Variants in MAP3K20 observed in about 807,000 individuals in gnomAD.
MAP3K20 encodes the protein HCCS-4.
MAP3K20 carries 40 observed loss-of-function variants against 85.7 expected under a neutral mutation model. The ratio of observed to expected loss-of-function variants is 0.47; its 90% CI spans 0.36 to 0.61. The LOEUF is 0.61. Ranked by LOEUF, MAP3K20 falls within the 20% of genes least tolerant of loss-of-function variation. The pLI, the probability that MAP3K20 is intolerant of heterozygous loss-of-function variation, is 0.00. For synonymous variants in MAP3K20, 325 were observed against 327.7 expected, an observed-to-expected ratio of 0.99 and a Z score of 0.09; for missense variants, 817 against 961.7, an observed-to-expected ratio of 0.85 and a Z score of 1.99.
intron 16 of MAP3K20, among the ~76,000 whole-genome samples, chr2:173,241,014 G>T (rs142182375): frequency 3.8e-4 from 58 of 152,322 alleles, no homozygotes; most frequent in African/African-American, 1.3e-3. Flanking sequence ...GCCAGTCGCA[G>T]AAAGACGGAA....
intron 3 of MAP3K20, among the ~76,000 whole-genome samples, chr2:173,177,443 A>ATTTTTTT (rs71403359): frequency 1.2e-4 from 15 of 126,604 alleles, no homozygotes; most frequent in Non-Finnish European, 2.1e-4. Flanking sequence ...ATCACAATAG[A>ATTTTTTT]TTTTTTTTTT....
chr2:173,223,642 G>A, intron 11 of MAP3K20: 2 of 985,318 alleles, frequency 2.0e-6, no homozygotes, highest in Non-Finnish European at 2.4e-6. Flanking sequence ...AAAACTATGA[G>A]CCCTGGCCAG....
intron 4 of MAP3K20, among the ~76,000 whole-genome samples, chr2:173,183,852 T>C (rs746089774): frequency 1.6e-4 from 25 of 152,248 alleles, no homozygotes; most frequent in Non-Finnish European, 3.4e-4. Flanking sequence ...AACTCATACG[T>C]TGATTTCACT....
intron 16 of MAP3K20, among the ~76,000 whole-genome samples, chr2:173,254,566 A>T (rs570907773): frequency 2.6e-5 from 4 of 152,204 alleles, no homozygotes; most frequent in African/African-American, 9.6e-5. Context: ...TGGAATTGTT[A>T]TTTTTAGTGA....
chr2:173,258,640 A>C, intron 16 of MAP3K20, 59 bp from the exon 17 acceptor site: 1 of 964,056 alleles, frequency 1.0e-6, no homozygotes, highest in South Asian at 1.4e-5. Flanking sequence ...GGAAATATTG[A>C]GACTAAAAAA....
chr2:173,197,866 TAGA>T (rs1574099478), intron 7 of MAP3K20, 157 bp from the exon 8 acceptor site: 1 of 427,198 alleles, frequency 2.3e-6, no homozygotes, highest in Non-Finnish European at 4.1e-6. Context: ...ATTTAATATA[TAGA>T]AGAAGTTGTG....
At chr2:173,226,310 T>TA (rs1341564804) in intron 11 of MAP3K20, 16 of 984,922 alleles carry the variant, frequency 1.6e-5, no homozygotes, top group Non-Finnish European at 1.9e-5. Context: ...TTTTAAAACT[T>TA]ATTCTGAGTT....
chr2:173,229,637 G>C, intron 11 of MAP3K20, 52 bp from the exon 12 acceptor site: 1 of 1,609,338 alleles, frequency 6.2e-7, no homozygotes, highest in East Asian at 2.2e-5. Flanking sequence ...GAACCAAAAA[G>C]ACAATGATAA....
intron 2 of MAP3K20, chr2:173,166,912 T>G (rs1574072708): frequency 7.0e-6 from 1 of 143,334 alleles, no homozygotes; most frequent in Middle Eastern, 3.5e-3. Context: ...GTTTTTCTGT[T>G]TTTTTTTTTT....
At chr2:173,212,539 C>G (rs1000221154) in intron 10 of MAP3K20, 1 of 152,326 alleles carries the variant, frequency 6.6e-6, no homozygotes, top group African/African-American at 2.4e-5. Flanking sequence ...TAGCTCACAC[C>G]TGTAATCCCA....
chr2:173,193,253 T>C, intron 7 of MAP3K20, among the ~76,000 whole-genome samples: 1 of 148,442 alleles, frequency 6.7e-6, no homozygotes, highest in African/African-American at 2.4e-5. Context: ...AGCTTTTAAA[T>C]TGTTTGTCAC....
chr2:173,207,760 C>A (rs1000634717), intron 9 of MAP3K20: 1 of 149,126 alleles, frequency 6.7e-6, no homozygotes, highest in Admixed American at 6.7e-5. Context: ...CTATGTGATG[C>A]CTAAAAGGAA....
chr2:173,174,137 A>G (rs11680612), intron 3 of MAP3K20, among the ~76,000 whole-genome samples: 71,566 of 152,138 alleles, frequency 0.47, 19,518 homozygotes, highest in South Asian at 0.68. Flanking sequence ...GACATTTTAT[A>G]TGAAATAAAG....
intron 2 of MAP3K20, among the ~76,000 whole-genome samples, chr2:173,147,283 A>G (rs1689163218): frequency 6.6e-6 from 1 of 152,118 alleles, no homozygotes; most frequent in South Asian, 2.1e-4. Context: ...GGTCATGAAG[A>G]TTTACTTCTA....
In MAP3K20 at chr2:173,121,553, AT is replaced by A. The variant is rs964029507; in HGVS notation, c.159+30370del. 5.9e-5 allele frequency among the ~76,000 whole-genome samples: 9 copies of A among 151,640 alleles called. No homozygotes were observed. The South Asian group carries it at 1.3e-3, about 21-fold the overall frequency. On this transcript the variant is annotated intron_variant, in intron 2 of 19. Coordinates refer to ENST00000375213, the MANE Select transcript of MAP3K20 (RefSeq NM_016653.3). ...AGGCGCCCGCCACCACGCCCGGCTA[AT>A]TTTTTTGTATTTTTAGTAGAGACGG...
intron 2 of MAP3K20, among the ~76,000 whole-genome samples, chr2:173,134,405 TATATATATATATATATATA>T (rs1456065129): frequency 2.1e-4 from 2 of 9,716 alleles, no homozygotes; most frequent in East Asian, 3.6e-3. Context: ...TATATATATA[TATATATATATATATATATA>T]TATATTTTTT....
chr2:173,135,479 A>G (rs1005981643), intron 2 of MAP3K20, among the ~76,000 whole-genome samples: 3 of 152,254 alleles, frequency 2.0e-5, no homozygotes, highest in African/African-American at 7.2e-5. Context: ...ATGTGGCTTA[A>G]CAGAAGGACA....
intron 2 of MAP3K20, among the ~76,000 whole-genome samples, chr2:173,107,377 T>G (rs985205764): frequency 6.6e-6 from 1 of 151,882 alleles, no homozygotes; most frequent in Admixed American, 6.5e-5. Context: ...TTTCAGGAGT[T>G]GAGAAGATAT....
intron 2 of MAP3K20, among the ~76,000 whole-genome samples, chr2:173,132,705 C>T (rs1265651555): frequency 6.6e-6 from 1 of 152,190 alleles, no homozygotes; most frequent in Non-Finnish European, 1.5e-5. Context: ...GGAGTGCAGG[C>T]TCAGAAGTGG....
Sources: gnomAD v4.1 joint callset for allele counts (sites outside exome capture counted in the v4.1 genomes callset) on GRCh38, gnomAD v4.1.1 for gene constraint, MANE v1.5 for transcripts, NCBI Gene and HGNC (gene_info 2026-07-23, HGNC 2026-07-21) for gene names.